SLC9A8: variants seen among roughly 807,000 people sequenced by gnomAD.
SLC9A8 encodes solute carrier family 9 member A8.
A neutral mutation model predicts 66.6 loss-of-function variants in SLC9A8; 48 were observed. The observed-to-expected ratio is 0.72, with a 90% CI of 0.57 to 0.92. The LOEUF (loss-of-function observed/expected upper bound fraction) is 0.92. Ranked by LOEUF, SLC9A8 falls within the 40% of genes least tolerant of loss-of-function variation. The probability of loss-of-function intolerance (pLI) is 0.00; values close to 1 mark genes in which losing one functional copy is unlikely to be tolerated. For missense variants in SLC9A8, 599 were observed against 747.3 expected (o/e 0.80, Z 2.31); for synonymous variants, 274 against 282.6 (o/e 0.97, Z 0.31).
At chr20:49,845,678 G>T (rs1226579207) in intron 5 of SLC9A8, among the ~76,000 whole-genome samples, 1 of 152,010 alleles carries the variant, frequency 6.6e-6, no homozygotes, top group Non-Finnish European at 1.5e-5. Context: ...TCCTTCCCAG[G>T]CTGGAGCCCC....
chr20:49,857,819 AC>A (rs1323759209), intron 8 of SLC9A8, among the ~76,000 whole-genome samples: 7 of 71,148 alleles, frequency 9.8e-5, no homozygotes, highest in Non-Finnish European at 1.5e-4. Context: ...TGTTGTTTTC[AC>A]CACATTTGCC....
chr20:49,887,982 T>G lies in SLC9A8; in HGVS notation c.*46T>G. ...GGCAGGCAGGCCCAGGATGGGCGTT[T>G]GCTGCGCACAGACACTCAGCAGGGG... On this transcript the variant is annotated 3_prime_UTR_variant, in exon 16 of 16. Transcript: ENST00000361573. 1 of 1,454,948 alleles carries G rather than the reference T, an allele frequency of 6.9e-7. No homozygotes were observed. The highest frequency in any genetic ancestry group is 1.1e-5 in the South Asian group (1 of 87,574). The allele number at this position is 1,454,948 out of a possible 1,614,324, so 90.1% of individuals were successfully genotyped here. A position where few individuals can be genotyped will look rare whatever the true frequency, so the allele number is the denominator to read the frequency against.
intron 10 of SLC9A8, among the ~76,000 whole-genome samples, chr20:49,868,040 C>T (rs987545115): frequency 4.6e-5 from 7 of 152,202 alleles, no homozygotes; most frequent in Non-Finnish European, 1.0e-4. Flanking sequence ...CCTTTCTTTA[C>T]TGAATGTTGG....
At chr20:49,839,986 A>G (rs917685257) in intron 4 of SLC9A8, among the ~76,000 whole-genome samples, 16 of 152,178 alleles carry the variant, frequency 1.1e-4, no homozygotes, top group Non-Finnish European at 2.4e-4. Context: ...TGTGAGACAC[A>G]GTACTTTATA....
At chr20:49,822,987 T>C (rs2086795771) in intron 2 of SLC9A8, 74 bp from the exon 3 acceptor site, 2 of 1,237,650 alleles carry the variant, frequency 1.6e-6, no homozygotes, top group Admixed American at 3.4e-5. Flanking sequence ...AAATAACCAC[T>C]GACTTGAACT....
intron 3 of SLC9A8, among the ~76,000 whole-genome samples, chr20:49,824,022 T>G (rs1023854645): frequency 3.3e-5 from 5 of 152,222 alleles, no homozygotes; most frequent in African/African-American, 1.2e-4. Flanking sequence ...AATGATTGTT[T>G]AGACTCTGTT....
intron 3 of SLC9A8, among the ~76,000 whole-genome samples, chr20:49,831,429 C>CTCTG (rs1328797616): frequency 2.0e-5 from 3 of 151,000 alleles, no homozygotes; most frequent in African/African-American, 7.3e-5. Context: ...CTCTCTCTCT[C>CTCTG]TCTGTCTCTC....
chr20:49,849,330 C>T (rs1374976388), intron 5 of SLC9A8, among the ~76,000 whole-genome samples: 1 of 151,594 alleles, frequency 6.6e-6, no homozygotes, highest in Non-Finnish European at 1.5e-5. Flanking sequence ...GAAAGGGGCC[C>T]TGGGGGGTTG....
At position 49,816,071 on chromosome 20, in the gene SLC9A8, T is replaced by G. The variant is rs117520597; in HGVS notation, c.208+882T>G. Among the ~76,000 whole-genome samples, 752 of 152,350 alleles carry G rather than the reference T, an allele frequency of 4.9e-3. 3 individuals carry two copies. Among genetic ancestry groups the G allele is most frequent in the Non-Finnish European group, 8.3e-3 (562 of 68,036 alleles). Reference sequence around the variant, plus strand: ...ACTTTTGCCATATCTATGTACCACCTGTATTGTTAATTTAGTTATGTACTA... The same window carrying G: ...ACTTTTGCCATATCTATGTACCACCGGTATTGTTAATTTAGTTATGTACTA... On this transcript the variant is annotated intron_variant, in intron 2 of 15. Transcript: ENST00000361573.
intron 8 of SLC9A8, 103 bp downstream of exon 8, chr20:49,855,684 T>G: frequency 9.0e-7 from 1 of 1,106,744 alleles, no homozygotes; most frequent in South Asian, 1.6e-5. Context: ...CAGTTGCTTG[T>G]CCTCTGGGTG....
chr20:49,886,104 C>A lies in SLC9A8; in HGVS notation c.1492-648C>A, dbSNP rs1274023309. ...TCCTCTGCCCTCCCTGCACCTGCCC[C>A]GTCCCCCTCCCCACCACCTGCAGTG... On this transcript the variant is annotated intron_variant, in intron 14 of 15. Transcript: ENST00000361573. This position sits in a 1 kb window ranked among gnomAD's most constrained non-coding sequence, Gnocchi z 4.8. Among the ~76,000 whole-genome samples the A allele has an allele frequency of 6.6e-6, 1 of 151,966 alleles. No homozygotes were observed. The highest frequency in any genetic ancestry group is 2.4e-5 in the African/African-American group (1 of 41,340).
chr20:49,859,311 G>C (rs896980796), intron 8 of SLC9A8, among the ~76,000 whole-genome samples: 4 of 152,196 alleles, frequency 2.6e-5, no homozygotes, highest in Non-Finnish European at 2.9e-5. Context: ...GATGCCCGTA[G>C]AGAAGTGAAC....
chr20:49,849,969 C>T (rs2088179740), intron 6 of SLC9A8, among the ~76,000 whole-genome samples: 1 of 152,134 alleles, frequency 6.6e-6, no homozygotes, highest in Non-Finnish European at 1.5e-5. Flanking sequence ...AATTAGAATA[C>T]CTAAAAATGA....
At chr20:49,843,912 C>G (rs1207567241) in intron 4 of SLC9A8, among the ~76,000 whole-genome samples, 14 of 151,938 alleles carry the variant, frequency 9.2e-5, no homozygotes, top group Non-Finnish European at 1.5e-5. Context: ...CTGTTCGTTC[C>G]CTATACAGCT....
At chr20:49,821,366 T>C (rs551944842) in intron 2 of SLC9A8, among the ~76,000 whole-genome samples, 91 of 152,376 alleles carry the variant, frequency 6.0e-4, no homozygotes, top group African/African-American at 1.9e-3. Flanking sequence ...TCACATGTTA[T>C]GTTTATGCAC....
chr20:49,871,930 G>A (rs899799766), intron 10 of SLC9A8, among the ~76,000 whole-genome samples: 1 of 152,212 alleles, frequency 6.6e-6, no homozygotes, highest in African/African-American at 2.4e-5. Flanking sequence ...ACTGGTCCAT[G>A]TTAGATCCTC....
chr20:49,871,224 T>C (rs2089194879), intron 10 of SLC9A8, among the ~76,000 whole-genome samples: 1 of 152,176 alleles, frequency 6.6e-6, no homozygotes, highest in African/African-American at 2.4e-5. Flanking sequence ...CCTCAAGAAG[T>C]ATGTTATATT....
chr20:49,861,260 C>T (rs1052647569), intron 8 of SLC9A8, among the ~76,000 whole-genome samples: 2 of 152,110 alleles, frequency 1.3e-5, no homozygotes, highest in Non-Finnish European at 2.9e-5. Context: ...ATCAGGTGTG[C>T]CTTTGAAAAG....
chr20:49,825,884 A>G (rs1388870890), intron 3 of SLC9A8, among the ~76,000 whole-genome samples: 1 of 152,178 alleles, frequency 6.6e-6, no homozygotes, highest in East Asian at 1.9e-4. Flanking sequence ...CCCTTAAAGC[A>G]GTAACTGCAG....
Sources: gnomAD v4.1 joint callset for allele counts (sites outside exome capture counted in the v4.1 genomes callset) on GRCh38, gnomAD v4.1.1 for gene constraint, Gnocchi (gnomAD v3.1) non-coding constraint, MANE v1.5 for transcripts, NCBI Gene and HGNC (gene_info 2026-07-23, HGNC 2026-07-21) for gene names.